TMEM117: variants seen among roughly 807,000 people sequenced by gnomAD.
TMEM117 encodes transmembrane protein 117.
A neutral mutation model predicts 52.4 loss-of-function variants in TMEM117; 27 were observed. The observed-to-expected ratio is 0.51, with a 90% confidence interval of 0.38 to 0.71. The LOEUF (loss-of-function observed/expected upper bound fraction) is 0.71, where lower values mean the gene tolerates loss of function less well. TMEM117 is among the 30% of genes least tolerant of loss of function. The pLI is 0.00. For synonymous variants in TMEM117, 215 were observed against 206.3 expected (o/e 1.04, Z -0.36); for missense variants, 556 against 630.5 (o/e 0.88, Z 1.26).
rs540882565 is a variant in TMEM117, at chr12:43,882,580, A to G, written c.277+37652A>G. 1.7e-3 allele frequency among the ~76,000 whole-genome samples: 262 copies of G among 152,212 alleles called. 2 individuals carry two copies. The highest frequency in any genetic ancestry group is 6.2e-3 in the African/African-American group (257 of 41,528). On this transcript the variant is annotated intron_variant, in intron 2 of 7. Transcript: ENST00000266534. ...GAGGTCTGCACGTTCTGCAAGCACT[A>G]CTTTCTGTTGTCTCACATCAAAAAT...
At chr12:44,328,712 G>C (rs1592696797) in intron 6 of TMEM117, among the ~76,000 whole-genome samples, 1 of 151,862 alleles carries the variant, frequency 6.6e-6, no homozygotes. Context: ...CAGAATTCTA[G>C]AATCTTCTTG....
chr12:44,095,555 G>A (rs77002463), intron 3 of TMEM117, among the ~76,000 whole-genome samples: 6,800 of 152,070 alleles, frequency 0.045, 516 homozygotes, highest in African/African-American at 0.15. Context: ...TAGTACAGAA[G>A]TGAGAAGAAA....
chr12:43,990,086 C>T (rs986568611), intron 3 of TMEM117, among the ~76,000 whole-genome samples: 1 of 152,106 alleles, frequency 6.6e-6, no homozygotes, highest in Non-Finnish European at 1.5e-5. Context: ...GGAAGCTGAT[C>T]TGCCTTAGGA....
chr12:44,373,246 C>T (rs1205882664), intron 6 of TMEM117, among the ~76,000 whole-genome samples: 2 of 152,216 alleles, frequency 1.3e-5, no homozygotes, highest in African/African-American at 4.8e-5. Context: ...CACAAGAAAC[C>T]AGTAAGCTCC....
chr12:44,056,218 A>G (rs1041945659), intron 3 of TMEM117, among the ~76,000 whole-genome samples: 2 of 152,040 alleles, frequency 1.3e-5, no homozygotes, highest in Admixed American at 1.3e-4. Flanking sequence ...AGCTTAGACC[A>G]TAGGCACACA....
At chr12:44,104,305 C>T (rs1391639070) in intron 3 of TMEM117, among the ~76,000 whole-genome samples, 1 of 151,672 alleles carries the variant, frequency 6.6e-6, no homozygotes, top group Non-Finnish European at 1.5e-5. Flanking sequence ...TGTTTTTTCT[C>T]TCTCCACTCC....
chr12:44,062,768 G>A (rs1273559595), intron 3 of TMEM117, among the ~76,000 whole-genome samples: 1 of 152,174 alleles, frequency 6.6e-6, no homozygotes, highest in Non-Finnish European at 1.5e-5. Flanking sequence ...TGCCTGGCAA[G>A]AAAAGGTGAC....
intron 3 of TMEM117, among the ~76,000 whole-genome samples, chr12:44,096,054 G>T (rs1156663750): frequency 6.6e-6 from 1 of 152,088 alleles, no homozygotes; most frequent in Non-Finnish European, 1.5e-5. Context: ...AAAATCACAA[G>T]CATTCTTATA....
intron 6 of TMEM117, among the ~76,000 whole-genome samples, chr12:44,373,156 G>A (rs1951887858): frequency 6.6e-6 from 1 of 152,194 alleles, no homozygotes; most frequent in Non-Finnish European, 1.5e-5. Context: ...TACACATGTT[G>A]CTGACTCTCC....
At chr12:44,266,850 C>T (rs1310975181) in intron 5 of TMEM117, among the ~76,000 whole-genome samples, 2 of 152,070 alleles carry the variant, frequency 1.3e-5, no homozygotes, top group Admixed American at 6.5e-5. Context: ...TGTCCCAACA[C>T]CATTTGTTGG....
Position 44,170,932 on chromosome 12 carries a change from T to G in TMEM117, c.510+27308T>G, listed in dbSNP as rs139783496. On this transcript the variant is annotated intron_variant, in intron 4 of 7. Transcript: ENST00000266534. ...AAAACTAGAGATCTTATTCAAATTTTGCCAATTTTTCCAGCAACATGTTTT... is the reference window on the plus strand; with the variant it reads ...AAAACTAGAGATCTTATTCAAATTTGGCCAATTTTTCCAGCAACATGTTTT... 8.2e-3 allele frequency among the ~76,000 whole-genome samples: 1,245 copies of G among 152,230 alleles called. 13 individuals are homozygous for G. Among genetic ancestry groups the G allele is most frequent in the African/African-American group, 0.029 (1,186 of 41,554 alleles).
chr12:44,195,931 A>ACT (rs1339957683), intron 4 of TMEM117, among the ~76,000 whole-genome samples: 66 of 147,994 alleles, frequency 4.5e-4, no homozygotes, highest in Non-Finnish European at 2.4e-4. Flanking sequence ...TAAATAAATA[A>ACT]ATAAATAACT....
At chr12:44,313,996 C>T (rs1565704678) in intron 6 of TMEM117, among the ~76,000 whole-genome samples, 1 of 152,066 alleles carries the variant, frequency 6.6e-6, no homozygotes, top group African/African-American at 2.4e-5. Context: ...GGTCTAGGAG[C>T]CTTTGGCAGA....
chr12:43,896,191 A>G (rs1315052539), intron 2 of TMEM117, among the ~76,000 whole-genome samples: 2 of 152,164 alleles, frequency 1.3e-5, no homozygotes, highest in East Asian at 3.8e-4. Context: ...TTGAGCTCCT[A>G]CCTTGCAGCA....
intron 3 of TMEM117, among the ~76,000 whole-genome samples, chr12:44,020,620 G>A (rs1017135396): frequency 2.6e-5 from 4 of 152,142 alleles, no homozygotes; most frequent in East Asian, 1.9e-4. Flanking sequence ...ATGCACTAAG[G>A]CTATGAATGC....
intron 4 of TMEM117, among the ~76,000 whole-genome samples, chr12:44,183,826 A>G (rs1949239157): frequency 6.6e-6 from 1 of 152,092 alleles, no homozygotes; most frequent in East Asian, 1.9e-4. Context: ...ATTTGATAGA[A>G]TCCCTCTTTT....
At chr12:44,095,843 C>T (rs899557611) in intron 3 of TMEM117, among the ~76,000 whole-genome samples, 1 of 152,124 alleles carries the variant, frequency 6.6e-6, no homozygotes, top group African/African-American at 2.4e-5. Flanking sequence ...TCCTATTCAA[C>T]ATAGTGTTGG....
At chr12:43,907,165 C>T (rs1197932959) in intron 2 of TMEM117, among the ~76,000 whole-genome samples, 9 of 152,204 alleles carry the variant, frequency 5.9e-5, no homozygotes, top group Non-Finnish European at 1.3e-4. Flanking sequence ...GGGCAGACTG[C>T]CCCCTCAAGT....
intron 3 of TMEM117, among the ~76,000 whole-genome samples, chr12:43,958,511 T>C (rs1945344696): frequency 6.6e-6 from 1 of 151,100 alleles, no homozygotes; most frequent in African/African-American, 2.4e-5. Context: ...ATTTTGAAAA[T>C]AAATGTTACT....
Sources: gnomAD v4.1 joint callset for allele counts (sites outside exome capture counted in the v4.1 genomes callset) on GRCh38, gnomAD v4.1.1 for gene constraint, MANE v1.5 for transcripts, NCBI Gene and HGNC (gene_info 2026-07-23, HGNC 2026-07-21) for gene names.